The following STK39 variants were observed in gnomAD, a reference collection of about 807,000 sequenced individuals.
STK39 encodes the protein STE20/SPS1-related proline-alanine-rich protein kinase.
In STK39, 20 loss-of-function variants were observed where a neutral mutation model predicts 77.8. The observed-to-expected ratio is 0.26, with a 90% CI of 0.18 to 0.37. The LOEUF (loss-of-function observed/expected upper bound fraction) is 0.37. STK39 is among the 10% of genes least tolerant of loss of function. The pLI, the probability that STK39 is intolerant of heterozygous loss-of-function variation, is 1.00. For missense variants in STK39, 479 were observed against 656.5 expected (o/e 0.73, Z 2.95); for synonymous variants, 246 against 234.1 (o/e 1.05, Z -0.47).
intron 10 of STK39, among the ~76,000 whole-genome samples, chr2:168,090,120 G>A (rs1574456719): frequency 6.6e-6 from 1 of 152,104 alleles, no homozygotes; most frequent in Admixed American, 6.5e-5. Flanking sequence ...TGTTGTTTTT[G>A]TTAAGGTGGC....
intron 16 of STK39, among the ~76,000 whole-genome samples, chr2:168,005,236 C>T (rs905782871): frequency 2.6e-5 from 4 of 151,998 alleles, no homozygotes; most frequent in African/African-American, 7.2e-5. Flanking sequence ...AAACTCCTGA[C>T]ATCAAGTGAT....
At chr2:167,989,311 A>G (rs1461823842) in intron 16 of STK39, among the ~76,000 whole-genome samples, 3 of 152,204 alleles carry the variant, frequency 2.0e-5, no homozygotes, top group Non-Finnish European at 2.9e-5. Context: ...GGTGGCTTCT[A>G]AAAGTCCAAC....
intron 1 of STK39, among the ~76,000 whole-genome samples, chr2:168,187,282 T>C (rs996501609): frequency 2.6e-5 from 4 of 151,586 alleles, no homozygotes; most frequent in Non-Finnish European, 4.4e-5. Context: ...ACCCGGAAGG[T>C]AGAGGCTGCA....
intron 16 of STK39, among the ~76,000 whole-genome samples, chr2:168,010,586 G>A (rs534053551): frequency 3.0e-4 from 45 of 152,318 alleles, no homozygotes; most frequent in East Asian, 1.9e-4. Context: ...ATAAATGCAC[G>A]TTAAGTCACT....
At chr2:167,963,411 T>C (rs185381159) in intron 17 of STK39, among the ~76,000 whole-genome samples, 5 of 152,176 alleles carry the variant, frequency 3.3e-5, no homozygotes, top group Non-Finnish European at 7.4e-5. Flanking sequence ...GTTTGCATAT[T>C]ACAAATTAGG....
At chr2:168,112,812 GA>G (rs1296267709) in intron 10 of STK39, 2 of 152,116 alleles carry the variant, frequency 1.3e-5, no homozygotes, top group Non-Finnish European at 1.5e-5. Context: ...ATCAAATGAT[GA>G]AGTGATTCAC....
chr2:168,012,569 G>T (rs2105313189), intron 16 of STK39, 65 bp downstream of exon 16: 3 of 1,305,656 alleles, frequency 2.3e-6, no homozygotes, highest in East Asian at 4.8e-5. Flanking sequence ...GAACACTTTT[G>T]CTTCCAAACA....
At chr2:168,169,743 C>T (rs1341569875) in intron 2 of STK39, among the ~76,000 whole-genome samples, 4 of 151,572 alleles carry the variant, frequency 2.6e-5, no homozygotes, top group African/African-American at 7.3e-5. Context: ...TTAGAGACAC[C>T]ATCTGGACAT....
At chr2:168,128,618 G>T (rs1352169036) in intron 10 of STK39, among the ~76,000 whole-genome samples, 1 of 152,162 alleles carries the variant, frequency 6.6e-6, no homozygotes, top group Non-Finnish European at 1.5e-5. Context: ...TTGAAAATCT[G>T]TTTAAAACAA....
chr2:168,172,526 C>A (rs1688854097), intron 2 of STK39, among the ~76,000 whole-genome samples: 1 of 152,136 alleles, frequency 6.6e-6, no homozygotes, highest in Admixed American at 6.5e-5. Flanking sequence ...TAAATAGATA[C>A]TTATGCAAAG....
At chr2:168,014,918 T>G (rs1684367747) in intron 15 of STK39, among the ~76,000 whole-genome samples, 1 of 152,184 alleles carries the variant, frequency 6.6e-6, no homozygotes, top group African/African-American at 2.4e-5. Context: ...TCCCAAATGA[T>G]TAAAGCATAC....
intron 1 of STK39, among the ~76,000 whole-genome samples, chr2:168,225,540 G>T (rs534535351): frequency 1.3e-5 from 2 of 152,256 alleles, no homozygotes; most frequent in South Asian, 4.1e-4. Context: ...CATTATTTCA[G>T]AATTTAAGAC....
At position 168,059,394 on chromosome 2, in the gene STK39, G is replaced by T. The variant is rs114142579; in HGVS notation, c.1376+4106C>A. Among the ~76,000 whole-genome samples the T allele has an allele frequency of 2.1e-3, 316 of 152,298 alleles. 4 individuals carry two copies. The highest frequency in any genetic ancestry group is 7.4e-3 in the African/African-American group (306 of 41,562). On this transcript the variant is annotated intron_variant, in intron 14 of 17. Coordinates refer to ENST00000355999, the MANE Select transcript of STK39 (RefSeq NM_013233.3). ...TTCATCAAAAAGGAGATTATCCTAGGTGAGGCCTGCTTAATCAGGTGAAAA... is the reference window on the plus strand; with the variant it reads ...TTCATCAAAAAGGAGATTATCCTAGTTGAGGCCTGCTTAATCAGGTGAAAA...
chr2:168,120,967 T>C (rs1441509567), intron 10 of STK39, among the ~76,000 whole-genome samples: 3 of 138,128 alleles, frequency 2.2e-5, no homozygotes, highest in Non-Finnish European at 5.0e-5. Flanking sequence ...CATCTCCTAG[T>C]GCCTGTAGCA....
chr2:167,993,206 T>C (rs1428199324), intron 16 of STK39, among the ~76,000 whole-genome samples: 11 of 152,244 alleles, frequency 7.2e-5, no homozygotes, highest in Admixed American at 6.5e-4. Flanking sequence ...GCAGTGTGCA[T>C]GCATTACAGC....
At chr2:168,074,268 G>A (rs566969123) in intron 12 of STK39, among the ~76,000 whole-genome samples, 2 of 152,294 alleles carry the variant, frequency 1.3e-5, no homozygotes, top group Admixed American at 1.3e-4. Flanking sequence ...TTCTTAATGA[G>A]AATTTATTAA....
At chr2:168,091,150 G>GCA (rs71927823) in intron 10 of STK39, among the ~76,000 whole-genome samples, 43,148 of 147,414 alleles carry the variant, frequency 0.29, 6,912 homozygotes, top group South Asian at 0.39. Flanking sequence ...ACAAACAGGT[G>GCA]CACACACACA....
chr2:168,024,054 C>G (rs1352268968), intron 14 of STK39, among the ~76,000 whole-genome samples: 1 of 152,168 alleles, frequency 6.6e-6, no homozygotes, highest in Non-Finnish European at 1.5e-5. Context: ...AGGAAGGGGG[C>G]CTTTTAAAAA....
chr2:168,223,503 T>G (rs1263200517), intron 1 of STK39, among the ~76,000 whole-genome samples: 1 of 104,804 alleles, frequency 9.5e-6, no homozygotes, highest in East Asian at 2.4e-4. Flanking sequence ...AGAGTGAGAC[T>G]CCGTCTCAAA....
Sources: gnomAD v4.1 joint callset for allele counts (sites outside exome capture counted in the v4.1 genomes callset) on GRCh38, gnomAD v4.1.1 for gene constraint, MANE v1.5 for transcripts, NCBI Gene and HGNC (gene_info 2026-07-23, HGNC 2026-07-21) for gene names.